LUZP2: variants seen among roughly 807,000 people sequenced by gnomAD.
LUZP2 encodes leucine zipper protein 2.
LUZP2 carries 52 observed loss-of-function variants against 51.6 expected under a neutral mutation model. The ratio of observed to expected loss-of-function variants is 1.01; its 90% CI spans 0.81 to 1.27. The LOEUF is 1.27. Ranked by LOEUF, LUZP2 falls within the 50% of genes most tolerant of loss-of-function variation. The pLI is 0.00. For missense variants in LUZP2, 436 were observed against 395.4 expected (o/e 1.10, Z -0.87); for synonymous variants, 154 against 137.3 (o/e 1.12, Z -0.85).
rs1375376350 is a variant in LUZP2 at position 24,553,659 on chromosome 11, G to T, written c.62+56354G>T. Among the ~76,000 whole-genome samples the T allele has an allele frequency of 2.6e-5, 4 of 152,088 alleles. No individual in the cohort carries two copies. The East Asian group carries it at 7.7e-4, about 29-fold the overall frequency. ...GACCGTTCTCTCTTCCTTCTTAGGG[G>T]TTCAATTTTCCCTTAGAGTGAGTTT... On this transcript the variant is annotated intron_variant, in intron 1 of 11. Transcript: ENST00000336930.
chr11:24,901,823 G>C (rs1249626325), intron 5 of LUZP2, among the ~76,000 whole-genome samples: 1 of 152,074 alleles, frequency 6.6e-6, no homozygotes, highest in Non-Finnish European at 1.5e-5. Flanking sequence ...ATCCCCAGCT[G>C]TCTTTGCTAT....
At chr11:24,524,565 A>G (rs1365319106) in intron 1 of LUZP2, among the ~76,000 whole-genome samples, 1 of 151,774 alleles carries the variant, frequency 6.6e-6, no homozygotes, top group East Asian at 1.9e-4. Flanking sequence ...AATTTTTACT[A>G]AGCAAGAGCA....
intron 5 of LUZP2, among the ~76,000 whole-genome samples, chr11:24,893,768 ACACG>A (rs1274696018): frequency 7.4e-4 from 17 of 22,920 alleles, no homozygotes; most frequent in Admixed American, 3.8e-3. Context: ...GCACAAATAC[ACACG>A]CACACACACA....
chr11:24,751,722 A>AT (rs1322941010), intron 4 of LUZP2, among the ~76,000 whole-genome samples: 2 of 152,090 alleles, frequency 1.3e-5, no homozygotes, highest in Non-Finnish European at 2.9e-5. Flanking sequence ...AAAAAAAAAA[A>AT]AAATCAGATA....
chr11:24,590,433 C>T (rs752545245), intron 1 of LUZP2, among the ~76,000 whole-genome samples: 1 of 152,110 alleles, frequency 6.6e-6, no homozygotes, highest in African/African-American at 2.4e-5. Flanking sequence ...CATTCAAAAG[C>T]CTCTCTGCTA....
At chr11:24,815,862 T>C (rs1302946603) in intron 5 of LUZP2, among the ~76,000 whole-genome samples, 1 of 152,114 alleles carries the variant, frequency 6.6e-6, no homozygotes, top group Non-Finnish European at 1.5e-5. Flanking sequence ...AGCCATAGGA[T>C]GAAGTTCAGA....
At chr11:24,779,643 G>C (rs1188767406) in intron 5 of LUZP2, among the ~76,000 whole-genome samples, 2 of 152,182 alleles carry the variant, frequency 1.3e-5, no homozygotes, top group Admixed American at 1.3e-4. Context: ...GTAGTAGGCT[G>C]AAAAGTAGCC....
At chr11:25,046,233 A>AG (rs906176307) in intron 9 of LUZP2, among the ~76,000 whole-genome samples, 2 of 151,700 alleles carry the variant, frequency 1.3e-5, no homozygotes, top group African/African-American at 4.8e-5. Context: ...CTCCAAAAAA[A>AG]AAAATGAGTC....
chr11:24,854,059 C>A (rs1851476397), intron 5 of LUZP2, among the ~76,000 whole-genome samples: 1 of 152,174 alleles, frequency 6.6e-6, no homozygotes, highest in African/African-American at 2.4e-5. Context: ...TCTGTTGACC[C>A]CTGCTGGGAG....
rs1564964373 is a variant in LUZP2 at position 24,517,510 on chromosome 11, A to AAAAAAAAAAAAAAAAC, written c.62+20208_62+20209insAAAAAAAAAAAACAAA. On this transcript the variant is annotated intron_variant, in intron 1 of 11. Coordinates refer to ENST00000336930, the MANE Select transcript of LUZP2 (RefSeq NM_001009909.4). Reference sequence around the variant, plus strand: ...AAAAAAAAAAAAAAAAAAAAAAAAAAAAATTGTAGGTACATATTAAATTTT... The same window carrying AAAAAAAAAAAAAAAAC: ...AAAAAAAAAAAAAAAAAAAAAAAAAAAAAAAAAAAAAAAAACAAATTGTAGGTACATATTAAATTTT... Among the ~76,000 whole-genome samples the AAAAAAAAAAAAAAAAC allele has an allele frequency of 1.4e-5, 2 of 146,602 alleles. 1 individual carries two copies. Among genetic ancestry groups the AAAAAAAAAAAAAAAAC allele is most frequent in the Non-Finnish European group, 3.0e-5 (2 of 66,852 alleles).
intron 1 of LUZP2, among the ~76,000 whole-genome samples, chr11:24,631,985 AT>A (rs1346270627): frequency 6.6e-6 from 1 of 152,070 alleles, no homozygotes; most frequent in Non-Finnish European, 1.5e-5. Flanking sequence ...TATTTCTGGC[AT>A]TGGAAGTGAC....
intron 5 of LUZP2, among the ~76,000 whole-genome samples, chr11:24,823,629 C>T (rs939451152): frequency 2.0e-5 from 3 of 152,120 alleles, no homozygotes; most frequent in African/African-American, 7.2e-5. Flanking sequence ...GTGAGAAAGA[C>T]TGTGCCTTAG....
At chr11:24,602,387 T>TATATATATATATACACAC (rs377367310) in intron 1 of LUZP2, among the ~76,000 whole-genome samples, 1 of 129,516 alleles carries the variant, frequency 7.7e-6, no homozygotes, top group Admixed American at 8.1e-5. Context: ...TATATATATA[T>TATATATATATATACACAC]ACACACACAC....
In LUZP2 at chr11:24,738,250, T is replaced by C. The variant is rs775537645; in HGVS notation, c.281T>C (p.Leu94Pro). 1.9e-6 allele frequency: 3 copies of C among 1,612,378 alleles called. No homozygotes were observed. Among genetic ancestry groups the C allele is most frequent in the South Asian group, 1.1e-5 (1 of 90,996 alleles). ...REEMKSLQEA[L>P]QNQLKETSEK... ...GAAATGAAGTCTCTTCAGGAGGCCC[T>C]GCAAAATCAGCTTAAGGAGACATCA... Residue 94 changes from leucine to proline, a missense_variant, in exon 4 of 12, where the codon CTG becomes CCG. Coordinates refer to ENST00000336930, the MANE Select transcript of LUZP2 (RefSeq NM_001009909.4).
chr11:24,643,887 A>T lies in LUZP2; in HGVS notation c.63-85282A>T, dbSNP rs78434088. ...ATGACTATGCATTTCATCCTGGGAT[A>T]ATTCTAATTAATAGAGTATTCTTCC... On this transcript the variant is annotated intron_variant, in intron 1 of 11. Coordinates refer to ENST00000336930, the MANE Select transcript of LUZP2 (RefSeq NM_001009909.4). 2.9e-4 allele frequency among the ~76,000 whole-genome samples: 44 copies of T among 152,318 alleles called. No individual in the cohort carries two copies. In the East Asian group the frequency reaches 6.6e-3, roughly 23 times the overall value.
At chr11:24,953,202 G>T (rs1025618830) in intron 7 of LUZP2, among the ~76,000 whole-genome samples, 1 of 151,890 alleles carries the variant, frequency 6.6e-6, no homozygotes, top group Non-Finnish European at 1.5e-5. Context: ...AACAATTTTT[G>T]AAATGATTTT....
intron 7 of LUZP2, among the ~76,000 whole-genome samples, chr11:24,949,134 A>T (rs569350969): frequency 4.0e-4 from 61 of 151,734 alleles, no homozygotes; most frequent in Non-Finnish European, 6.5e-4. Context: ...AAATGGCAGG[A>T]AAAAACATAT....
chr11:24,541,659 A>G (rs928435587), intron 1 of LUZP2, among the ~76,000 whole-genome samples: 24 of 152,120 alleles, frequency 1.6e-4, no homozygotes, highest in African/African-American at 5.1e-4. Context: ...CATGGAAACT[A>G]TGCTTTGGAT....
chr11:25,048,679 G>T (rs1402407426), intron 9 of LUZP2, among the ~76,000 whole-genome samples: 3 of 152,014 alleles, frequency 2.0e-5, no homozygotes, highest in Admixed American at 6.6e-5. Flanking sequence ...GAGGTCAGAC[G>T]TAGGATTCCT....
Sources: gnomAD v4.1 joint callset for allele counts (sites outside exome capture counted in the v4.1 genomes callset) on GRCh38, gnomAD v4.1.1 for gene constraint, MANE v1.5 for transcripts, NCBI Gene and HGNC (gene_info 2026-07-23, HGNC 2026-07-21) for gene names.